Variants in DIP2C observed in about 807,000 individuals in gnomAD.
DIP2C encodes disco-interacting protein 2 homolog C.
A neutral mutation model predicts 192.4 loss-of-function variants in DIP2C; 33 were observed. The observed-to-expected ratio is 0.17, with a 90% CI of 0.13 to 0.23. The LOEUF (loss-of-function observed/expected upper bound fraction) is 0.23. DIP2C is among the 10% of genes least tolerant of loss of function. The probability of loss-of-function intolerance (pLI) is 1.00; values close to 1 mark genes in which losing one functional copy is unlikely to be tolerated. For missense variants in DIP2C, 1,537 were observed against 2,110.1 expected, an observed-to-expected ratio of 0.73 and a Z score of 5.32; for synonymous variants, 979 against 864.1, an observed-to-expected ratio of 1.13 and a Z score of -2.33.
At chr10:508,221 A>C (rs548020661) in intron 1 of DIP2C, among the ~76,000 whole-genome samples, 7 of 152,142 alleles carry the variant, frequency 4.6e-5, no homozygotes, top group Admixed American at 3.9e-4. Context: ...TCTTCTGAAA[A>C]TATCCAAATC....
chr10:384,620 T>C lies in DIP2C; in HGVS notation c.1682A>G (p.His561Arg), dbSNP rs368928672. ...CAGCGAGTACGGGATGCTGATCACA[T>C]GCATCATGTTCATGACGCTCTGCAA... Reference protein sequence around the residue: ...GILTSVMNMMHVISIPYSLMK... With the variant: ...GILTSVMNMMRVISIPYSLMK... The change falls in exon 15 of 37, where the codon CAT becomes CGT. Residue 561 changes from histidine to arginine, a missense_variant. Transcript: ENST00000280886. 6.2e-7 allele frequency: 1 copy of C among 1,613,990 alleles called. No individual in the cohort carries two copies. Among genetic ancestry groups the C allele is most frequent in the Non-Finnish European group, 8.5e-7 (1 of 1,180,024 alleles).
rs771344294 is a variant in DIP2C at position 329,606 on chromosome 10, A to G, written c.3585-5T>C. The G allele has an allele frequency of 2.5e-6, 4 of 1,613,498 alleles. No individual in the cohort carries two copies. The East Asian group carries it at 6.7e-5, about 27-fold the overall frequency. Reference sequence around the variant, plus strand: ...GACTGGTGCCCAGAATACACACTGCAGAGAAAGAAGAGGCTGTCAGGGCGG... The same window carrying G: ...GACTGGTGCCCAGAATACACACTGCGGAGAAAGAAGAGGCTGTCAGGGCGG... On this transcript the variant is annotated splice_polypyrimidine_tract_variant and splice_region_variant and intron_variant, in intron 29 of 36. Coordinates refer to ENST00000280886, the MANE Select transcript of DIP2C (RefSeq NM_014974.3).
At chr10:477,143 C>G (rs565450567) in intron 2 of DIP2C, among the ~76,000 whole-genome samples, 1 of 145,398 alleles carries the variant, frequency 6.9e-6, no homozygotes, top group East Asian at 2.1e-4. Flanking sequence ...GAGGCCAGCA[C>G]AGGAAGAAGG....
intron 24 of DIP2C, among the ~76,000 whole-genome samples, chr10:349,775 A>G (rs1409848901): frequency 1.3e-5 from 2 of 152,286 alleles, no homozygotes; most frequent in Middle Eastern, 3.4e-3. Flanking sequence ...AGAACAAAAA[A>G]CCCTGGCAAT....
chr10:563,305 C>T (rs767945943), intron 1 of DIP2C, among the ~76,000 whole-genome samples: 9 of 152,272 alleles, frequency 5.9e-5, no homozygotes, highest in Middle Eastern at 3.4e-3. Flanking sequence ...GAAAGCAGCA[C>T]GTATTTTTAT....
At chr10:513,200 C>T (rs563652143) in intron 1 of DIP2C, among the ~76,000 whole-genome samples, 1 of 152,112 alleles carries the variant, frequency 6.6e-6, no homozygotes, top group South Asian at 2.1e-4. Context: ...TAAATTATTA[C>T]ATGTTTAGTC....
chr10:462,722 AAAAG>A (rs1969894479), intron 3 of DIP2C, among the ~76,000 whole-genome samples: 1 of 152,224 alleles, frequency 6.6e-6, no homozygotes, highest in Non-Finnish European at 1.5e-5. Flanking sequence ...ACACAACAAA[AAAAG>A]AAAATGTCAG....
At chr10:542,839 C>A (rs11253090) in intron 1 of DIP2C, among the ~76,000 whole-genome samples, 4 of 150,480 alleles carry the variant, frequency 2.7e-5, no homozygotes, top group South Asian at 2.1e-4. Context: ...GACCCTCCCC[C>A]CTTCTCTATA....
At chr10:347,884 C>A (rs12772224) in intron 26 of DIP2C, among the ~76,000 whole-genome samples, 1 of 9,878 alleles carries the variant, frequency 1.0e-4, no homozygotes, top group African/African-American at 2.4e-4. Flanking sequence ...TCCCGGAAAC[C>A]CCACACGCAC....
chr10:626,179 C>T (rs1854188548), intron 1 of DIP2C, among the ~76,000 whole-genome samples: 1 of 152,218 alleles, frequency 6.6e-6, no homozygotes, highest in Admixed American at 6.5e-5. Flanking sequence ...GAGTCCAGGC[C>T]TCCATGTGCA....
chr10:579,019 G>A (rs1048959767), intron 1 of DIP2C, among the ~76,000 whole-genome samples: 2 of 151,928 alleles, frequency 1.3e-5, no homozygotes, highest in Non-Finnish European at 2.9e-5. Context: ...ATGTGGTAGA[G>A]CGTACATACA....
intron 3 of DIP2C, among the ~76,000 whole-genome samples, chr10:469,508 G>A (rs1015010865): frequency 4.6e-5 from 7 of 151,950 alleles, no homozygotes; most frequent in Non-Finnish European, 1.0e-4. Context: ...ATAGAGATGG[G>A]GTTTCGCCAT....
intron 5 of DIP2C, 117 bp from the exon 6 acceptor site, chr10:419,316 G>A (rs1048138596): frequency 6.8e-7 from 1 of 1,460,428 alleles, no homozygotes; most frequent in Non-Finnish European, 9.4e-7. Context: ...GTGTGCCATG[G>A]AAAGCCAGAG....
At chr10:600,166 T>C (rs1427384787) in intron 1 of DIP2C, among the ~76,000 whole-genome samples, 1 of 152,110 alleles carries the variant, frequency 6.6e-6, no homozygotes, top group Non-Finnish European at 1.5e-5. Flanking sequence ...ATCGTGGAAA[T>C]AAGAGGGAAG....
At chr10:648,679 C>G (rs1212998786) in intron 1 of DIP2C, among the ~76,000 whole-genome samples, 1 of 149,362 alleles carries the variant, frequency 6.7e-6, no homozygotes, top group East Asian at 2.0e-4. Flanking sequence ...CATAGGGAAA[C>G]TGAGTCCACG....
At chr10:403,887 A>G (rs1964602809) in intron 9 of DIP2C, among the ~76,000 whole-genome samples, 1 of 95,910 alleles carries the variant, frequency 1.0e-5, no homozygotes, top group Non-Finnish European at 2.1e-5. Flanking sequence ...TTCCTTATGG[A>G]CAAGTTTGGT....
chr10:481,847 C>G (rs1013662070), intron 2 of DIP2C, among the ~76,000 whole-genome samples: 3 of 152,236 alleles, frequency 2.0e-5, no homozygotes, highest in Admixed American at 6.5e-5. Context: ...CCCACCCCCA[C>G]AGGCAGACTC....
At chr10:377,163 G>A (rs1453217734) in intron 17 of DIP2C, among the ~76,000 whole-genome samples, 1 of 135,046 alleles carries the variant, frequency 7.4e-6, no homozygotes, top group East Asian at 2.2e-4. Context: ...TTTTTGCACT[G>A]AATATACTAT....
chr10:280,710 C>T (rs944936717), intron 36 of DIP2C, among the ~76,000 whole-genome samples: 6 of 152,254 alleles, frequency 3.9e-5, no homozygotes, highest in South Asian at 2.1e-4. Context: ...GCAGGTGCGA[C>T]GCACACACCT....
Sources: gnomAD v4.1 joint callset for allele counts (sites outside exome capture counted in the v4.1 genomes callset) on GRCh38, gnomAD v4.1.1 for gene constraint, MANE v1.5 for transcripts, NCBI Gene and HGNC (gene_info 2026-07-23, HGNC 2026-07-21) for gene names.